Variants in CNTN5 observed in about 807,000 individuals in gnomAD.
CNTN5 encodes the protein contactin 5.
CNTN5 carries 77 observed loss-of-function variants against 129.1 expected under a neutral mutation model. The ratio of observed to expected loss-of-function variants is 0.60; its 90% CI spans 0.50 to 0.72. The LOEUF is 0.72. Among genes scored for constraint, CNTN5 ranks in the 30% least tolerant of loss-of-function variants. The pLI, the probability that CNTN5 is intolerant of heterozygous loss-of-function variation, is 0.00. For missense variants in CNTN5, 1,478 were observed against 1,328.8 expected, an observed-to-expected ratio of 1.11 and a Z score of -1.75; for synonymous variants, 509 against 465.6, an observed-to-expected ratio of 1.09 and a Z score of -1.20.
At chr11:100,138,338 C>T (rs777635535) in intron 13 of CNTN5, among the ~76,000 whole-genome samples, 13 of 151,900 alleles carry the variant, frequency 8.6e-5, no homozygotes, top group Non-Finnish European at 1.3e-4. Flanking sequence ...ATGTACTAGG[C>T]GCTTTTCTAG....
chr11:99,032,906 AC>A (rs1197689771), intron 1 of CNTN5, among the ~76,000 whole-genome samples: 2 of 139,674 alleles, frequency 1.4e-5, no homozygotes, highest in Non-Finnish European at 3.0e-5. Context: ...TTTAGGTCTA[AC>A]GTTTAAGTCT....
At chr11:100,223,737 C>G (rs527515342) in intron 15 of CNTN5, among the ~76,000 whole-genome samples, 1 of 151,898 alleles carries the variant, frequency 6.6e-6, no homozygotes, top group Non-Finnish European at 1.5e-5. Flanking sequence ...TTCCAGTCAT[C>G]GTTAGATTAC....
chr11:100,027,014 G>A (rs1056695755), intron 9 of CNTN5, among the ~76,000 whole-genome samples: 27 of 150,784 alleles, frequency 1.8e-4, no homozygotes, highest in Non-Finnish European at 3.8e-4. Context: ...ATTCTGATTT[G>A]GATTTAAAAA....
At chr11:99,174,002 T>A in intron 1 of CNTN5, among the ~76,000 whole-genome samples, 1 of 150,778 alleles carries the variant, frequency 6.6e-6, no homozygotes, top group African/African-American at 2.4e-5. Context: ...AAAATGCCTT[T>A]TGTGTGTGTG....
At chr11:99,493,894 C>T (rs1412321320) in intron 2 of CNTN5, among the ~76,000 whole-genome samples, 2 of 151,976 alleles carry the variant, frequency 1.3e-5, no homozygotes, top group African/African-American at 4.8e-5. Context: ...AGGTAGTAAA[C>T]TTCAAAAGCA....
intron 3 of CNTN5, among the ~76,000 whole-genome samples, chr11:99,696,011 TA>T (rs1954254497): frequency 2.0e-5 from 3 of 152,198 alleles, no homozygotes; most frequent in African/African-American, 4.8e-5. Context: ...AATTTAAAAA[TA>T]TTTTTTACAT....
intron 1 of CNTN5, among the ~76,000 whole-genome samples, chr11:99,145,555 T>C (rs576154473): frequency 1.3e-5 from 2 of 152,278 alleles, no homozygotes; most frequent in South Asian, 2.1e-4. Context: ...TAAATGTCAA[T>C]ATCCTCCAGT....
At chr11:99,834,611 T>G (rs901494953) in intron 4 of CNTN5, among the ~76,000 whole-genome samples, 3 of 152,130 alleles carry the variant, frequency 2.0e-5, no homozygotes, top group Non-Finnish European at 4.4e-5. Context: ...CCGTAGGTAG[T>G]TAGAATATTC....
chr11:99,634,524 C>T (rs987211472), intron 3 of CNTN5, among the ~76,000 whole-genome samples: 2 of 152,136 alleles, frequency 1.3e-5, no homozygotes, highest in African/African-American at 4.8e-5. Context: ...AAAATATTTA[C>T]TTGTATTTTA....
chr11:99,192,294 C>A (rs1858684241), intron 1 of CNTN5, among the ~76,000 whole-genome samples: 1 of 151,728 alleles, frequency 6.6e-6, no homozygotes, highest in Non-Finnish European at 1.5e-5. Context: ...GATAAAATGC[C>A]TAGACACAGG....
chr11:99,409,836 T>A (rs1287308902), intron 2 of CNTN5, among the ~76,000 whole-genome samples: 1 of 150,732 alleles, frequency 6.6e-6, no homozygotes, highest in Non-Finnish European at 1.5e-5. Context: ...ATTATGTGAC[T>A]ACTTAGTAGA....
At chr11:99,959,590 C>T (rs1022035136) in intron 8 of CNTN5, among the ~76,000 whole-genome samples, 1 of 152,138 alleles carries the variant, frequency 6.6e-6, no homozygotes, top group African/African-American at 2.4e-5. Flanking sequence ...GGTCACTAAA[C>T]TAATACTGTT....
At chr11:99,677,960 G>A (rs987633756) in intron 3 of CNTN5, among the ~76,000 whole-genome samples, 3 of 151,822 alleles carry the variant, frequency 2.0e-5, no homozygotes, top group East Asian at 3.9e-4. Context: ...TGGTACTCTC[G>A]AAAAAATCAG....
chr11:99,704,611 C>G (rs1449852232), intron 3 of CNTN5, among the ~76,000 whole-genome samples: 1 of 151,060 alleles, frequency 6.6e-6, no homozygotes, highest in East Asian at 1.9e-4. Flanking sequence ...GATTTTATCT[C>G]AAATACATAT....
At chr11:100,345,940 C>T (rs1952269363) in intron 23 of CNTN5, among the ~76,000 whole-genome samples, 1 of 152,120 alleles carries the variant, frequency 6.6e-6, no homozygotes, top group South Asian at 2.1e-4. Flanking sequence ...CAAATAATTT[C>T]CACTCAAAAT....
chr11:99,046,441 C>T (rs1864209672), intron 1 of CNTN5, among the ~76,000 whole-genome samples: 1 of 152,060 alleles, frequency 6.6e-6, no homozygotes, highest in South Asian at 2.1e-4. Context: ...AAATAGTGTA[C>T]ATTATAAATA....
chr11:99,520,207 A>AC (rs1416603828), intron 2 of CNTN5, among the ~76,000 whole-genome samples: 2 of 152,108 alleles, frequency 1.3e-5, no homozygotes, highest in Non-Finnish European at 2.9e-5. Context: ...CTATTGAAAT[A>AC]CTCTAAATAT....
chr11:99,728,884 A>T (rs184570602), intron 3 of CNTN5, among the ~76,000 whole-genome samples: 205 of 152,310 alleles, frequency 1.3e-3, no homozygotes, highest in Middle Eastern at 6.8e-3. Flanking sequence ...CTAACCTCAT[A>T]ACTTAGGAAC....
chr11:100,051,062 C>T (rs570089182), intron 9 of CNTN5, among the ~76,000 whole-genome samples: 2 of 152,078 alleles, frequency 1.3e-5, no homozygotes, highest in Admixed American at 6.5e-5. Flanking sequence ...AGTAAATAAC[C>T]TTATTCTCCA....
Sources: allele counts gnomAD v4.1 joint callset (sites outside exome capture counted in the v4.1 genomes callset), GRCh38; gene constraint gnomAD v4.1.1; transcripts MANE v1.5; gene names NCBI Gene and HGNC (gene_info 2026-07-23, HGNC 2026-07-21).